Variants in KIF26B observed in about 807,000 individuals in gnomAD.
KIF26B encodes the protein kinesin family member 26B.
KIF26B carries 63 observed loss-of-function variants against 151.2 expected under a neutral mutation model. The ratio of observed to expected loss-of-function variants is 0.42; its 90% confidence interval spans 0.34 to 0.51. The LOEUF is 0.51. Among genes scored for constraint, KIF26B ranks in the 20% least tolerant of loss-of-function variants. KIF26B has a pLI of 0.07. For synonymous variants in KIF26B, 1,357 were observed against 1,262.1 expected (o/e 1.08, Z -1.59); for missense variants, 2,813 against 2,913.6 (o/e 0.97, Z 0.79).
chr1:245,396,947 G>A (rs1417179211), intron 3 of KIF26B, among the ~76,000 whole-genome samples: 1 of 150,680 alleles, frequency 6.6e-6, no homozygotes, highest in Admixed American at 6.6e-5. Context: ...CATTTGACAT[G>A]CTACATTTCT....
chr1:245,388,446 C>T (rs1021262866), intron 3 of KIF26B, among the ~76,000 whole-genome samples: 2 of 152,198 alleles, frequency 1.3e-5, no homozygotes, highest in Non-Finnish European at 2.9e-5. Context: ...ACGTCCCAGT[C>T]CTGATTGGGC....
intron 2 of KIF26B, among the ~76,000 whole-genome samples, chr1:245,354,206 T>C (rs1013923678): frequency 2.7e-4 from 41 of 152,196 alleles, no homozygotes; most frequent in African/African-American, 9.7e-4. Flanking sequence ...TTCTTTAGAA[T>C]TGTACGAAAT....
At chr1:245,256,609 G>A (rs748529808) in intron 2 of KIF26B, among the ~76,000 whole-genome samples, 38 of 152,216 alleles carry the variant, frequency 2.5e-4, no homozygotes, top group Middle Eastern at 6.8e-3. Flanking sequence ...CCAACTGAAT[G>A]GACCTCTCCT....
In KIF26B at chr1:245,287,492, C is replaced by CTTT. The variant is rs1217976453; in HGVS notation, c.466-79341_466-79340insTTT. Among the ~76,000 whole-genome samples, 199 of 136,390 alleles carry CTTT rather than the reference C, an allele frequency of 1.5e-3. 2 individuals carry two copies. Among genetic ancestry groups the CTTT allele is most frequent in the Non-Finnish European group, 2.0e-3 (129 of 64,300 alleles). The allele number at this position is 136,390 out of a possible 152,430, so 89.5% of individuals were successfully genotyped here. On this transcript the variant is annotated intron_variant, in intron 2 of 14. Coordinates refer to ENST00000407071, the MANE Select transcript of KIF26B (RefSeq NM_018012.4). ...GAGGGTCCCTGTGTGTCTCATCTCT[C>CTTT]TCTCTCTTTTTTTTTTTTTTTTTTT...
At chr1:245,192,493 T>G (rs6428902) in intron 2 of KIF26B, among the ~76,000 whole-genome samples, 132,382 of 152,228 alleles carry the variant, frequency 0.87, 57,736 homozygotes, top group East Asian at 0.92. Context: ...AAAATTTGAT[T>G]CTCATATATC....
chr1:245,509,855 C>G (rs1313368994), intron 4 of KIF26B, among the ~76,000 whole-genome samples: 1 of 152,214 alleles, frequency 6.6e-6, no homozygotes, highest in African/African-American at 2.4e-5. Context: ...TCTCCCTTCT[C>G]CCTTCCTGCC....
At chr1:245,325,538 C>T (rs1429838101) in intron 2 of KIF26B, among the ~76,000 whole-genome samples, 3 of 152,082 alleles carry the variant, frequency 2.0e-5, no homozygotes, top group African/African-American at 7.2e-5. Context: ...CATGGTGAAA[C>T]CCCGTCTCTA....
Position 245,687,057 on chromosome 1 carries a change from A to C in KIF26B, c.4074A>C (p.Lys1358Asn). ...DDSFNKAAPI[K>N]GCKISTVSKA... Reference sequence around the variant, plus strand: ...CTTTCAACAAAGCAGCCCCCATCAAAGGCTGCAAAATATCCACAGTGAGCA... The same window carrying C: ...CTTTCAACAAAGCAGCCCCCATCAACGGCTGCAAAATATCCACAGTGAGCA... The change falls in exon 12 of 15, where the codon AAA becomes AAC. Residue 1358 changes from lysine to asparagine, a missense_variant. By Grantham distance (94) the Lys-to-Asn change is moderately conservative. Around this residue, in one of 3 missense-constraint regions of KIF26B, gnomAD observed 2,060 missense variants for 2,088.6 expected, o/e 0.99. Coordinates refer to ENST00000407071, the MANE Select transcript of KIF26B (RefSeq NM_018012.4). The surrounding 1 kb of genome is among the most constrained non-coding windows in gnomAD (Gnocchi z 4.9). The C allele has an allele frequency of 6.2e-7, 1 of 1,613,478 alleles. No homozygotes were observed. Among genetic ancestry groups the C allele is most frequent in the Non-Finnish European group, 8.5e-7 (1 of 1,179,810 alleles).
chr1:245,388,929 T>C (rs1673620635), intron 3 of KIF26B, among the ~76,000 whole-genome samples: 1 of 152,192 alleles, frequency 6.6e-6, no homozygotes, highest in South Asian at 2.1e-4. Context: ...CAGTAAGCAT[T>C]GCAGAAGACA....
intron 2 of KIF26B, among the ~76,000 whole-genome samples, chr1:245,356,853 G>A (rs546243171): frequency 1.2e-4 from 18 of 152,220 alleles, no homozygotes; most frequent in Non-Finnish European, 1.8e-4. Flanking sequence ...TGGTTAGGGA[G>A]TGTTGGGGCT....
At chr1:245,251,706 C>A (rs1670447295) in intron 2 of KIF26B, among the ~76,000 whole-genome samples, 1 of 152,096 alleles carries the variant, frequency 6.6e-6, no homozygotes, top group African/African-American at 2.4e-5. Context: ...ATTTGTGATG[C>A]TTCCTCTGGC....
chr1:245,485,385 A>T (rs71636552), intron 4 of KIF26B, among the ~76,000 whole-genome samples: 7,860 of 142,628 alleles, frequency 0.055, 261 homozygotes, highest in Admixed American at 0.07. Context: ...TCCTAGCATC[A>T]TTTTTTTTTT....
chr1:245,659,556 T>C (rs757079891), intron 10 of KIF26B, among the ~76,000 whole-genome samples: 3 of 152,200 alleles, frequency 2.0e-5, no homozygotes, highest in African/African-American at 7.2e-5. Flanking sequence ...ATATATTTGC[T>C]CTACCGGGTT....
At chr1:245,248,340 C>T (rs889472128) in intron 2 of KIF26B, among the ~76,000 whole-genome samples, 1 of 152,190 alleles carries the variant, frequency 6.6e-6, no homozygotes, top group Non-Finnish European at 1.5e-5. Flanking sequence ...TGGCATGCCT[C>T]CGCCTGCCCG....
intron 4 of KIF26B, among the ~76,000 whole-genome samples, chr1:245,490,969 T>C (rs80186815): frequency 0.038 from 5,862 of 152,304 alleles, 146 homozygotes; most frequent in Non-Finnish European, 0.05. Context: ...TTGAAATATC[T>C]GTAATAGTAG....
intron 2 of KIF26B, among the ~76,000 whole-genome samples, chr1:245,287,190 G>A (rs36060904): frequency 0.12 from 18,170 of 152,012 alleles, 1,348 homozygotes; most frequent in African/African-American, 0.2. Flanking sequence ...ATATTTGCAG[G>A]TCTGGGGCTA....
intron 10 of KIF26B, among the ~76,000 whole-genome samples, chr1:245,652,125 TGTGTGTGTGTGTGTGTGTGTGAGA>T (rs2044024178): frequency 7.2e-6 from 1 of 139,016 alleles, no homozygotes; most frequent in African/African-American, 3.0e-5. Flanking sequence ...TGTGTGTGTG[TGTGTGTGTGTGTGTGTGTGTGAGA>T]GAGACATATG....
chr1:245,677,967 G>T (rs1321850243), intron 10 of KIF26B, among the ~76,000 whole-genome samples: 2 of 152,196 alleles, frequency 1.3e-5, no homozygotes, highest in Admixed American at 1.3e-4. Flanking sequence ...AGGAACTGCG[G>T]AGATGCTGCT....
intron 4 of KIF26B, among the ~76,000 whole-genome samples, chr1:245,530,070 A>T (rs1028539790): frequency 6.6e-5 from 10 of 152,232 alleles, no homozygotes; most frequent in Non-Finnish European, 2.9e-5. Context: ...CAGGTACATG[A>T]AAAGGTGCTC....
Sources: allele counts gnomAD v4.1 joint callset (sites outside exome capture counted in the v4.1 genomes callset), GRCh38; gene constraint gnomAD v4.1.1; regional missense constraint gnomAD v4.1.1; non-coding constraint Gnocchi (gnomAD v3.1); transcripts MANE v1.5; gene names NCBI Gene and HGNC (gene_info 2026-07-23, HGNC 2026-07-21).